Variants in COMMD2 observed in about 807,000 individuals in gnomAD.
COMMD2 encodes COMM domain containing 2.
COMMD2 carries 25 observed loss-of-function variants against 22.5 expected under a neutral mutation model. The observed-to-expected ratio is 1.11, with a 90% CI of 0.81 to 1.55. COMMD2 has a LOEUF of 1.55. COMMD2 is among the 40% of genes most tolerant of loss of function. The pLI is 0.00. For synonymous variants in COMMD2, 98 were observed against 91.2 expected (o/e 1.07, Z -0.42); for missense variants, 223 against 232.9 (o/e 0.96, Z 0.28).
intron 4 of COMMD2, among the ~76,000 whole-genome samples, chr3:149,742,700 G>A (rs142597278): frequency 0.012 from 1,896 of 152,260 alleles, 34 homozygotes; most frequent in African/African-American, 0.043. Flanking sequence ...TAGGCACGGT[G>A]GCTCACGCCT....
rs964419228 is a variant in COMMD2 at position 149,739,987 on chromosome 3, T to C, written c.*1534A>G. ...TCTCTTCTCTAAAGAGATTGCAACA[T>C]GGTATCACTCTGATATGAAAATCCC... is the stretch of plus-strand genomic sequence containing the variant. On this transcript the variant is annotated 3_prime_UTR_variant, in exon 5 of 5. Transcript: ENST00000473414. 4.6e-5 allele frequency: 7 copies of C among 152,216 alleles called. No individual in the cohort carries two copies. The highest frequency in any genetic ancestry group is 1.7e-4 in the African/African-American group (7 of 41,456). 9.4% of individuals were successfully genotyped at this position (152,216 alleles called of 1,614,324 possible).
intron 2 of COMMD2, 21 bp from the exon 3 acceptor site, chr3:149,751,506 C>G (rs1200156449): frequency 1.3e-6 from 2 of 1,567,240 alleles, no homozygotes; most frequent in South Asian, 1.2e-5. Context: ...AAAGTAAAAA[C>G]GAGCAAATAA....
In COMMD2 at chr3:149,740,532, T is replaced by A. The variant is rs1037542528; in HGVS notation, c.*989A>T. 2 of 152,178 alleles carry A rather than the reference T, an allele frequency of 1.3e-5. No homozygotes were observed. The highest frequency in any genetic ancestry group is 4.8e-5 in the African/African-American group (2 of 41,436). The allele number at this position is 152,178 out of a possible 1,614,324, so 9.4% of individuals were successfully genotyped here. On this transcript the variant is annotated 3_prime_UTR_variant, in exon 5 of 5. Transcript: ENST00000473414. ...AAATACAATATACGACCACACAAAT[T>A]TGAGTACTATTTAAGCCAATTAATT...
At chr3:149,750,942 T>C (rs1716511581) in intron 3 of COMMD2, 91 bp from the exon 4 acceptor site, 2 of 825,768 alleles carry the variant, frequency 2.4e-6, no homozygotes, top group South Asian at 2.5e-5. Context: ...ATCCTCTAAT[T>C]TATTCTGTCT....
intron 4 of COMMD2, among the ~76,000 whole-genome samples, chr3:149,748,086 A>G (rs1716427216): frequency 6.6e-6 from 1 of 152,148 alleles, no homozygotes; most frequent in Non-Finnish European, 1.5e-5. Flanking sequence ...AGAGGCAAAC[A>G]AAGTATGATG....
chr3:149,752,030 T>C, intron 2 of COMMD2, 180 bp downstream of exon 2: 1 of 552,792 alleles, frequency 1.8e-6, no homozygotes. Context: ...TTTAACAATC[T>C]CACAGCTACT....
intron 4 of COMMD2, among the ~76,000 whole-genome samples, chr3:149,742,622 G>A (rs1411805452): frequency 6.6e-6 from 1 of 152,116 alleles, no homozygotes; most frequent in Non-Finnish European, 1.5e-5. Flanking sequence ...ATATGTTCAA[G>A]TTTAAAAAAT....
In COMMD2 at chr3:149,752,428, G is replaced by C; in HGVS notation, c.17C>G (p.Ser6Cys). The C allele has an allele frequency of 2.5e-6, 4 of 1,613,776 alleles. No homozygotes were observed. The highest frequency in any genetic ancestry group is 3.4e-6 in the Non-Finnish European group (4 of 1,179,814). Residue 6 changes from serine (S) to cysteine (C), a missense_variant, in exon 1 of 5, where the codon TCC (serine) becomes TGC (cysteine). Transcript: ENST00000473414. MLLELSEEHKEHLAFL... is the reference protein window; with the variant it reads MLLELCEEHKEHLAFL... The stretch of plus-strand genomic sequence containing the variant: ...GGCCAGGTGTTCCTTATGCTCCTCG[G>C]ACAATTCCAGCAGCATCTTCACTGT...
chr3:149,744,440 G>A (rs1716312478), intron 4 of COMMD2, among the ~76,000 whole-genome samples: 2 of 152,190 alleles, frequency 1.3e-5, no homozygotes, highest in East Asian at 1.9e-4. Context: ...ACATCCTCCT[G>A]CATCAGTCTG....
chr3:149,742,929 G>A (rs910804163), intron 4 of COMMD2, among the ~76,000 whole-genome samples: 6 of 147,208 alleles, frequency 4.1e-5, no homozygotes, highest in African/African-American at 1.5e-4. Context: ...TCGTGCCATT[G>A]CACTCCAGCC....
At chr3:149,750,187 G>C (rs548146930) in intron 4 of COMMD2, 1 of 175,940 alleles carries the variant, frequency 5.7e-6, no homozygotes, top group Non-Finnish European at 1.3e-5. Context: ...TATTTACTGA[G>C]TCATTCCATA....
At position 149,751,462 on chromosome 3, in the gene COMMD2, T is replaced by A; in HGVS notation, c.169A>T (p.Thr57Ser). 6.2e-7 allele frequency: 1 copy of A among 1,607,352 alleles called. No homozygotes were observed. Among genetic ancestry groups the A allele is most frequent in the Admixed American group, 1.7e-5 (1 of 58,368 alleles). ...AARKLNVSSD[T>S]VQHGVEGLTY... ...AATCCTTCCACACCATGCTGGACAG[T>A]GTCACTACTCACATTGAGTTTTCCT... The change falls in exon 3 of 5, where the codon ACT becomes TCT. Residue 57 changes from threonine (T) to serine (S), a missense_variant. By Grantham distance (58) the Thr-to-Ser change is moderately conservative (BLOSUM62 1). Transcript: ENST00000473414.
rs1716158663 is a variant in COMMD2, at chr3:149,739,714, A to G, written c.*1807T>C. Reference sequence around the variant, plus strand: ...ATGTTGCTTTTAAACCCAATGACATATGCTACTATTTCACGTAATAAAGTT... The same window carrying G: ...ATGTTGCTTTTAAACCCAATGACATGTGCTACTATTTCACGTAATAAAGTT... On this transcript the variant is annotated 3_prime_UTR_variant, in exon 5 of 5. Coordinates refer to ENST00000473414, the MANE Select transcript of COMMD2 (RefSeq NM_016094.4). The G allele has an allele frequency of 6.6e-6, 1 of 152,192 alleles. No individual in the cohort carries two copies. Among genetic ancestry groups the G allele is most frequent in the Non-Finnish European group, 1.5e-5 (1 of 68,024 alleles). 9.4% of individuals were successfully genotyped at this position (152,192 alleles called of 1,614,324 possible).
intron 4 of COMMD2, among the ~76,000 whole-genome samples, chr3:149,742,548 T>C (rs1263127778): frequency 6.6e-6 from 1 of 151,622 alleles, no homozygotes; most frequent in Non-Finnish European, 1.5e-5. Flanking sequence ...AGAAAAGAAA[T>C]GAACTACAGC....
Position 149,740,628 on chromosome 3 carries a change from G to A in COMMD2, c.*893C>T, listed in dbSNP as rs1452410124. On this transcript the variant is annotated 3_prime_UTR_variant, in exon 5 of 5. Transcript: ENST00000473414. Reference sequence around the variant, plus strand: ...ATATACAAAGAAAAATGAATAAACTGCCTATAACAATATAGCATTAAAAAT... The same window carrying A: ...ATATACAAAGAAAAATGAATAAACTACCTATAACAATATAGCATTAAAAAT... The A allele has an allele frequency of 1.3e-5, 2 of 152,098 alleles. No homozygotes were observed. The highest frequency in any genetic ancestry group is 6.6e-5 in the Admixed American group (1 of 15,266). 9.4% of individuals were successfully genotyped at this position (152,098 alleles called of 1,614,324 possible). A position where few individuals can be genotyped will look rare whatever the true frequency, so the allele number is the denominator to read the frequency against.
At chr3:149,750,633 A>G (rs1457818774) in intron 4 of COMMD2, 45 bp downstream of exon 4, 1 of 1,365,774 alleles carries the variant, frequency 7.3e-7, no homozygotes. Context: ...CAAACCTAAA[A>G]TAATTCTTAT....
chr3:149,749,597 T>C (rs920635570), intron 4 of COMMD2, among the ~76,000 whole-genome samples: 23 of 152,224 alleles, frequency 1.5e-4, no homozygotes, highest in African/African-American at 5.5e-4. Context: ...AAGTCAAATT[T>C]GAGAACAAGT....
Position 149,741,601 on chromosome 3 carries a change from G to A in COMMD2, c.520C>T (p.His174Tyr). ...GCTTGTTCCAGTTGTTGAACCAAATGGAGCAGGGTGGCTGGGTCTGTCTGC... is the reference window on the plus strand; with the variant it reads ...GCTTGTTCCAGTTGTTGAACCAAATAGAGCAGGGTGGCTGGGTCTGTCTGC... Reference protein sequence around the residue: ...VLQTDPATLLHLVQQLEQALE... With the variant: ...VLQTDPATLLYLVQQLEQALE... Residue 174 changes from histidine to tyrosine, a missense_variant, in exon 5 of 5, where the codon CAT (histidine) becomes TAT (tyrosine). His to Tyr is a moderately conservative substitution (Grantham distance 83). Transcript: ENST00000473414. The A allele has an allele frequency of 1.2e-6, 2 of 1,614,018 alleles. No individual in the cohort carries two copies. Among genetic ancestry groups the A allele is most frequent in the Non-Finnish European group, 1.7e-6 (2 of 1,180,004 alleles).
At chr3:149,747,632 CTCTT>C (rs1375491956) in intron 4 of COMMD2, among the ~76,000 whole-genome samples, 1 of 152,130 alleles carries the variant, frequency 6.6e-6, no homozygotes, top group Non-Finnish European at 1.5e-5. Flanking sequence ...AGAGAGACAA[CTCTT>C]TCAAGAAGTC....
Sources: gnomAD v4.1 joint callset for allele counts (sites outside exome capture counted in the v4.1 genomes callset) on GRCh38, gnomAD v4.1.1 for gene constraint, MANE v1.5 for transcripts, NCBI Gene and HGNC (gene_info 2026-07-23, HGNC 2026-07-21) for gene names.